Variants in ADORA1 observed in about 807,000 individuals in gnomAD.
The protein encoded by ADORA1 is adenosine receptor A1.
Under a neutral mutation model 19.9 loss-of-function variants are expected in ADORA1, and 6 were observed. The ratio of observed to expected loss-of-function variants is 0.30; its 90% CI spans 0.17 to 0.59. The LOEUF (loss-of-function observed/expected upper bound fraction) is 0.59, where lower values mean the gene tolerates loss of function less well. Among genes scored for constraint, ADORA1 ranks in the 20% least tolerant of loss-of-function variants. The pLI is 0.87. For synonymous variants in ADORA1, 194 were observed against 188.4 expected (o/e 1.03, Z -0.24); for missense variants, 302 against 439.2 (o/e 0.69, Z 2.79).
chr1:203,128,509 G>A lies in ADORA1; in HGVS notation c.-58+77G>A, dbSNP rs1285954524. On this transcript the variant is annotated intron_variant, in intron 2 of 3. Coordinates refer to ENST00000337894, the MANE Select transcript of ADORA1 (RefSeq NM_000674.3). The surrounding 1 kb of genome is among the most constrained non-coding windows in gnomAD (Gnocchi z 5.9). ...GGGAGACCCCTCTGTGCGTGTGTCT[G>A]TGTGTGCGCGCGCGCTGGGAGCTGC... is the stretch of plus-strand genomic sequence containing the variant. The A allele has an allele frequency of 9.0e-7, 1 of 1,108,936 alleles. No homozygotes were observed. The highest frequency in any genetic ancestry group is 1.2e-6 in the Non-Finnish European group (1 of 834,394). The allele number at this position is 1,108,936 out of a possible 1,614,324, so 68.7% of individuals were successfully genotyped here. A position where few individuals can be genotyped will look rare whatever the true frequency, so the allele number is the denominator to read the frequency against.
chr1:203,137,201 A>G (rs993854251), intron 3 of ADORA1, among the ~76,000 whole-genome samples: 2 of 152,214 alleles, frequency 1.3e-5, no homozygotes, highest in African/African-American at 4.8e-5. Flanking sequence ...GAGGGAACAC[A>G]CCATGCAGAT....
intron 3 of ADORA1, among the ~76,000 whole-genome samples, chr1:203,138,326 G>C (rs1448657533): frequency 6.6e-6 from 1 of 152,196 alleles, no homozygotes; most frequent in Non-Finnish European, 1.5e-5. Flanking sequence ...GCGGGTGGTT[G>C]TAAATGTGAG....
chr1:203,141,214 C>G (rs565164106), intron 3 of ADORA1, among the ~76,000 whole-genome samples: 2 of 143,412 alleles, frequency 1.4e-5, no homozygotes, highest in African/African-American at 4.9e-5. Context: ...CTGGCCTGCT[C>G]GTGGCAGCCC....
intron 3 of ADORA1, among the ~76,000 whole-genome samples, chr1:203,140,482 A>G (rs1053426744): frequency 6.6e-6 from 1 of 152,132 alleles, no homozygotes; most frequent in African/African-American, 2.4e-5. Context: ...GACGATTCAG[A>G]TCCTATTAGG....
At chr1:203,138,493 A>G (rs1324497307) in intron 3 of ADORA1, among the ~76,000 whole-genome samples, 2 of 152,208 alleles carry the variant, frequency 1.3e-5, no homozygotes, top group Non-Finnish European at 2.9e-5. Flanking sequence ...AACTCCAGAC[A>G]TAGGAAGAAA....
chr1:203,162,961 G>A (rs773006952), intron 3 of ADORA1, among the ~76,000 whole-genome samples: 1 of 152,204 alleles, frequency 6.6e-6, no homozygotes, highest in African/African-American at 2.4e-5. Flanking sequence ...CCCACTCTCC[G>A]CTGTGTGGCT....
chr1:203,152,188 C>T (rs941148929), intron 3 of ADORA1, among the ~76,000 whole-genome samples: 7 of 152,256 alleles, frequency 4.6e-5, no homozygotes, highest in African/African-American at 1.7e-4. Context: ...TCACTCCTGG[C>T]ACAGCCTGGA....
chr1:203,146,902 T>G (rs1316444326), intron 3 of ADORA1, among the ~76,000 whole-genome samples: 1 of 151,906 alleles, frequency 6.6e-6, no homozygotes, highest in African/African-American at 2.4e-5. Flanking sequence ...TCCACAGAGG[T>G]GAGAATGGTG....
At position 203,137,529 on chromosome 1, in the gene ADORA1, G is replaced by A. The variant is rs1477462555; in HGVS notation, c.341+8347G>A. On this transcript the variant is annotated intron_variant, in intron 3 of 3. Transcript: ENST00000337894. ...GTGCTTTAGGGACAAGGGTGCAAAC[G>A]GGAGTAGTTAGGTGCTATTGCAGTG... 5.9e-5 allele frequency among the ~76,000 whole-genome samples: 9 copies of A among 152,184 alleles called. No homozygotes were observed. In the East Asian group the frequency reaches 1.7e-3, roughly 29 times the overall value.
intron 3 of ADORA1, among the ~76,000 whole-genome samples, chr1:203,134,990 G>T (rs1037880096): frequency 6.6e-6 from 1 of 152,178 alleles, no homozygotes; most frequent in Non-Finnish European, 1.5e-5. Context: ...GCTAAAATGG[G>T]CTCTCCTTAG....
Position 203,165,623 on chromosome 1 carries a change from C to G in ADORA1, c.704C>G (p.Ser235Trp). 6.2e-7 allele frequency: 1 copy of G among 1,612,710 alleles called. No homozygotes were observed. The highest frequency in any genetic ancestry group is 8.5e-7 in the Non-Finnish European group (1 of 1,178,926). ...GGGAAGGAGCTGAAGATCGCCAAGT[C>G]GCTGGCCCTCATCCTCTTCCTCTTT... ...YYGKELKIAKSLALILFLFAL... is the reference protein window; with the variant it reads ...YYGKELKIAKWLALILFLFAL... The change falls in exon 4 of 4, where the codon TCG becomes TGG. Residue 235 changes from serine (S) to tryptophan (W), a missense_variant. Physicochemically the swap from Ser to Trp is radical, Grantham distance 177. Coordinates refer to ENST00000337894, the MANE Select transcript of ADORA1 (RefSeq NM_000674.3). The surrounding 1 kb of genome is among the most constrained non-coding windows in gnomAD (Gnocchi z 5.9).
intron 3 of ADORA1, among the ~76,000 whole-genome samples, chr1:203,158,974 T>A (rs1655280743): frequency 6.6e-6 from 1 of 152,206 alleles, no homozygotes; most frequent in Non-Finnish European, 1.5e-5. Context: ...GCTCTCAGGA[T>A]CTAATTACCT....
intron 3 of ADORA1, chr1:203,150,564 C>A: frequency 1.6e-6 from 2 of 1,259,214 alleles, no homozygotes; most frequent in Non-Finnish European, 2.1e-6. Context: ...GGCTCTACAC[C>A]CCTTTGCCTG....
intron 3 of ADORA1, among the ~76,000 whole-genome samples, chr1:203,150,423 G>A (rs910788815): frequency 5.9e-5 from 9 of 152,240 alleles, no homozygotes; most frequent in Admixed American, 5.9e-4. Flanking sequence ...TGTGGCTTCT[G>A]TAGGGACTCT....
At chr1:203,151,952 C>T (rs1395733965) in intron 3 of ADORA1, among the ~76,000 whole-genome samples, 3 of 152,210 alleles carry the variant, frequency 2.0e-5, no homozygotes, top group African/African-American at 7.2e-5. Flanking sequence ...GGGTGCCCCT[C>T]ACCACTGCCC....
chr1:203,132,802 G>A (rs1282426655), intron 3 of ADORA1, among the ~76,000 whole-genome samples: 2 of 152,140 alleles, frequency 1.3e-5, no homozygotes, highest in Non-Finnish European at 2.9e-5. Flanking sequence ...AGCCGAGATT[G>A]CGCCACTACA....
intron 3 of ADORA1, among the ~76,000 whole-genome samples, chr1:203,143,715 C>A (rs993987998): frequency 6.6e-6 from 1 of 152,230 alleles, no homozygotes; most frequent in African/African-American, 2.4e-5. Flanking sequence ...AAAGTCTGAG[C>A]CAAACTAATC....
At chr1:203,130,475 C>T (rs971420768) in intron 3 of ADORA1, among the ~76,000 whole-genome samples, 1 of 152,184 alleles carries the variant, frequency 6.6e-6, no homozygotes, top group African/African-American at 2.4e-5. Flanking sequence ...GCCCTGTCTA[C>T]CTCCCTCCAC....
At chr1:203,153,358 A>T (rs1280546062) in intron 3 of ADORA1, among the ~76,000 whole-genome samples, 2 of 152,208 alleles carry the variant, frequency 1.3e-5, no homozygotes, top group Admixed American at 1.3e-4. Flanking sequence ...AAGGACAGAC[A>T]GTTGGGGAGG....
Sources: gnomAD v4.1 joint callset for allele counts (sites outside exome capture counted in the v4.1 genomes callset) on GRCh38, gnomAD v4.1.1 for gene constraint, Gnocchi (gnomAD v3.1) non-coding constraint, MANE v1.5 for transcripts, NCBI Gene and HGNC (gene_info 2026-07-23, HGNC 2026-07-21) for gene names.